SPTBN1: variants seen among roughly 807,000 people sequenced by gnomAD.
SPTBN1 encodes the protein spectrin beta, non-erythrocytic 1, also known as spectrin beta chain, non-erythrocytic 1.
A neutral mutation model predicts 266.4 loss-of-function variants in SPTBN1; 32 were observed. That is an observed-to-expected ratio of 0.12 (90% CI 0.09 to 0.16). SPTBN1 has a LOEUF of 0.16. Ranked by LOEUF, SPTBN1 falls within the 10% of genes least tolerant of loss-of-function variation. The pLI, the probability that SPTBN1 is intolerant of heterozygous loss-of-function variation, is 1.00. For synonymous variants in SPTBN1, 1,336 were observed against 1,162.2 expected, an observed-to-expected ratio of 1.15 and a Z score of -3.04; for missense variants, 2,296 against 3,067.1, an observed-to-expected ratio of 0.75 and a Z score of 5.94.
chr2:54,492,355 T>G (rs1307409185), intron 1 of SPTBN1, among the ~76,000 whole-genome samples: 1 of 151,070 alleles, frequency 6.6e-6, no homozygotes, highest in African/African-American at 2.4e-5. Flanking sequence ...TTTTGTTTTT[T>G]TTTTTTTTTG....
rs1180072245 is a variant in SPTBN1 at position 54,492,390 on chromosome 2, A to T, written c.-47-33982A>T. ...GCTACTATAGAAAAGCACAGTGATG[A>T]GCATCACTGCATTCATATTTTTATC... On this transcript the variant is annotated intron_variant, in intron 1 of 35. Transcript: ENST00000356805. 3.0e-5 allele frequency among the ~76,000 whole-genome samples: 4 copies of T among 132,866 alleles called. No homozygotes were observed. In the East Asian group the frequency reaches 9.0e-4, roughly 30 times the overall value. 87.2% of individuals were successfully genotyped at this position (132,866 alleles called of 152,430 possible). A position where few individuals can be genotyped will look rare whatever the true frequency, so the allele number is the denominator to read the frequency against.
At chr2:54,604,932 G>A (rs1397805780) in intron 3 of SPTBN1, among the ~76,000 whole-genome samples, 5 of 152,142 alleles carry the variant, frequency 3.3e-5, no homozygotes, top group South Asian at 4.1e-4. Context: ...GTCTGGTATC[G>A]ACCCTTGGCC....
chr2:54,670,538 C>A lies in SPTBN1; in HGVS notation c.*1969C>A. 1 of 395,894 alleles carries A rather than the reference C, an allele frequency of 2.5e-6. No individual in the cohort carries two copies. Among genetic ancestry groups the A allele is most frequent in the East Asian group, 3.6e-5 (1 of 27,984 alleles). The allele number at this position is 395,894 out of a possible 1,614,324, so 24.5% of individuals were successfully genotyped here. On this transcript the variant is annotated 3_prime_UTR_variant, in exon 36 of 36. Coordinates refer to ENST00000356805, the MANE Select transcript of SPTBN1 (RefSeq NM_003128.3). ...TTCCCACGACAGTCCTTTGCCCTTG[C>A]CATGCTCAGGGTTGGAATCAAGTTG...
intron 2 of SPTBN1, among the ~76,000 whole-genome samples, chr2:54,572,007 T>G (rs749462012): frequency 3.3e-5 from 5 of 152,164 alleles, no homozygotes; most frequent in Non-Finnish European, 5.9e-5. Context: ...ATGACCCTAG[T>G]GACAACCTCC....
At position 54,580,303 on chromosome 2, in the gene SPTBN1, G is replaced by A. The variant is rs142796648; in HGVS notation, c.149-18789G>A. On this transcript the variant is annotated intron_variant, in intron 2 of 35. Transcript: ENST00000356805. ...TCGTTGAGTGGTAGAGAGGTTAAAG[G>A]TAGAACTAACATATGTAGAACTAAA... Among the ~76,000 whole-genome samples the A allele has an allele frequency of 1.3e-3, 196 of 152,314 alleles. 3 individuals carry two copies. The South Asian group carries it at 0.036, about 28-fold the overall frequency.
intron 2 of SPTBN1, among the ~76,000 whole-genome samples, chr2:54,550,748 T>C (rs970647184): frequency 6.6e-6 from 1 of 152,200 alleles, no homozygotes; most frequent in Non-Finnish European, 1.5e-5. Flanking sequence ...TACACCCTTG[T>C]GTTTGTGTAT....
intron 33 of SPTBN1, among the ~76,000 whole-genome samples, 196 bp from the exon 34 acceptor site, chr2:54,665,719 T>A (rs1045280638): frequency 6.6e-6 from 1 of 152,168 alleles, no homozygotes; most frequent in Non-Finnish European, 1.5e-5. Context: ...GTCCCTGAAC[T>A]CTCCATGGAG....
At chr2:54,480,664 A>T (rs1668048111) in intron 1 of SPTBN1, among the ~76,000 whole-genome samples, 1 of 152,112 alleles carries the variant, frequency 6.6e-6, no homozygotes, top group Non-Finnish European at 1.5e-5. Flanking sequence ...CATGTTGTCT[A>T]CCCTCCATTG....
At position 54,626,374 on chromosome 2, in the gene SPTBN1, A is replaced by AC; in HGVS notation, c.1644+143dup. ...TGTACAGCTAGAGAGGAGCCACATC[A>AC]CCCATGGGAAGATTGCTAGCTCAGG... is the stretch of plus-strand genomic sequence containing the variant. On this transcript the variant is annotated intron_variant, in intron 12 of 35. Coordinates refer to ENST00000356805, the MANE Select transcript of SPTBN1 (RefSeq NM_003128.3). The surrounding 1 kb of genome is among the most constrained non-coding windows in gnomAD (Gnocchi z 4.7). 1.8e-6 allele frequency: 2 copies of AC among 1,104,718 alleles called. No individual in the cohort carries two copies. Among genetic ancestry groups the AC allele is most frequent in the South Asian group, 1.7e-5 (1 of 59,334 alleles). 68.4% of individuals were successfully genotyped at this position (1,104,718 alleles called of 1,614,324 possible).
intron 3 of SPTBN1, 22 bp from the exon 4 acceptor site, chr2:54,612,139 A>G (rs3796014): frequency 0.74 from 1,159,133 of 1,564,450 alleles, 432,157 homozygotes; most frequent in African/African-American, 0.94. Flanking sequence ...ATGTGTCTCT[A>G]CCTCTGCTCT....
rs70944172 is a variant in SPTBN1 at position 54,522,646 on chromosome 2, A to AAG, written c.-47-3716_-47-3715dup. On this transcript the variant is annotated intron_variant, in intron 1 of 35. Transcript: ENST00000356805. ...ACTCTGTCTCAAAAAGAAAGAAAGA[A>AAG]AGAGAGAGAGAAAGAGAGAGAGAGA... Among the ~76,000 whole-genome samples, 29 of 56,894 alleles carry AAG rather than the reference A, an allele frequency of 5.1e-4. 1 individual carries two copies. Among genetic ancestry groups the AAG allele is most frequent in the African/African-American group, 2.1e-3 (27 of 12,578 alleles). 37.3% of individuals were successfully genotyped at this position (56,894 alleles called of 152,430 possible).
intron 2 of SPTBN1, chr2:54,557,628 T>C: frequency 1.3e-6 from 1 of 779,280 alleles, no homozygotes; most frequent in Non-Finnish European, 1.6e-6. Context: ...CCCCTCCGGA[T>C]CATAAACAAC....
chr2:54,490,815 C>T (rs1330124205), intron 1 of SPTBN1, among the ~76,000 whole-genome samples: 1 of 152,100 alleles, frequency 6.6e-6, no homozygotes, highest in Non-Finnish European at 1.5e-5. Flanking sequence ...GGGAGAGTCC[C>T]ACGCAGGGGA....
chr2:54,612,310 C>T lies in SPTBN1; in HGVS notation c.450C>T (p.Ile150=). The T allele has an allele frequency of 6.2e-7, 1 of 1,613,422 alleles. No individual in the cohort carries two copies. The highest frequency in any genetic ancestry group is 8.5e-7 in the Non-Finnish European group (1 of 1,179,498). The part of the protein sequence containing the change: ...DGNHRLTLGL[I]WTIILRFQIQ... ...ACCACCGGCTGACCCTTGGCCTCAT[C>T]TGGACCATCATCCTGCGCTTCCAGG... Residue 150 remains isoleucine (I), a synonymous_variant, in exon 4 of 36, where the codon ATC becomes ATT. Transcript: ENST00000356805.
At chr2:54,458,695 TA>T (rs1274635449) in intron 1 of SPTBN1, among the ~76,000 whole-genome samples, 1 of 152,226 alleles carries the variant, frequency 6.6e-6, no homozygotes, top group Non-Finnish European at 1.5e-5. Flanking sequence ...ATTTCCCTTC[TA>T]AATGCCATCT....
At chr2:54,528,895 A>G (rs1396114475) in intron 2 of SPTBN1, among the ~76,000 whole-genome samples, 1 of 152,254 alleles carries the variant, frequency 6.6e-6, no homozygotes, top group Non-Finnish European at 1.5e-5. Context: ...AATTGCATTC[A>G]GTGAATTTAC....
chr2:54,521,576 C>T (rs1230807351), intron 1 of SPTBN1, among the ~76,000 whole-genome samples: 4 of 152,138 alleles, frequency 2.6e-5, no homozygotes, highest in Non-Finnish European at 1.5e-5. Flanking sequence ...TGCAGTGACA[C>T]GATCATGGCT....
rs936032601 is a variant in SPTBN1 at position 54,569,928 on chromosome 2, G to C, written c.149-29164G>C. Among the ~76,000 whole-genome samples the C allele has an allele frequency of 3.3e-5, 5 of 151,924 alleles. No homozygotes were observed. In the South Asian group the frequency reaches 8.3e-4, roughly 25 times the overall value. ...GGTGTGGTTTCCTTTAGCATGTTGG[G>C]AGAGTGTTTAGTTTGCCTGAAAATG... On this transcript the variant is annotated intron_variant, in intron 2 of 35. Coordinates refer to ENST00000356805, the MANE Select transcript of SPTBN1 (RefSeq NM_003128.3).
chr2:54,618,680 A>G (rs1398023334), intron 7 of SPTBN1, among the ~76,000 whole-genome samples: 1 of 152,204 alleles, frequency 6.6e-6, no homozygotes, highest in East Asian at 1.9e-4. Flanking sequence ...TGAAGGTGGC[A>G]AGCAGGTTGG....
Sources: allele counts gnomAD v4.1 joint callset (sites outside exome capture counted in the v4.1 genomes callset), GRCh38; gene constraint gnomAD v4.1.1; non-coding constraint Gnocchi (gnomAD v3.1); transcripts MANE v1.5; gene names NCBI Gene and HGNC (gene_info 2026-07-23, HGNC 2026-07-21).